Variants in PCDHGB1 observed in about 807,000 individuals in gnomAD.
PCDHGB1 encodes the protein protocadherin gamma-B1.
PCDHGB1 carries 34 observed loss-of-function variants against 56.6 expected under a neutral mutation model. The ratio of observed to expected loss-of-function variants is 0.60; its 90% CI spans 0.46 to 0.80. The LOEUF (loss-of-function observed/expected upper bound fraction) is 0.80. Among genes scored for constraint, PCDHGB1 ranks in the 30% least tolerant of loss-of-function variants. The probability of loss-of-function intolerance (pLI) is 0.00; values close to 1 mark genes in which losing one functional copy is unlikely to be tolerated. For missense variants in PCDHGB1, 1,278 were observed against 1,204.6 expected, an observed-to-expected ratio of 1.06 and a Z score of -0.90; for synonymous variants, 561 against 505.9, an observed-to-expected ratio of 1.11 and a Z score of -1.46.
chr5:141,366,824 C>A, intron 1 of PCDHGB1: 1 of 1,535,428 alleles, frequency 6.5e-7, no homozygotes, highest in Non-Finnish European at 8.8e-7. Context: ...CTGTCATATT[C>A]AGAATCAGCT....
chr5:141,383,860 G>C lies in PCDHGB1; in HGVS notation c.2409+31191G>C, dbSNP rs772168555. On this transcript the variant is annotated intron_variant, in intron 1 of 3. Coordinates refer to ENST00000523390, the MANE Select transcript of PCDHGB1 (RefSeq NM_018922.3). ...TGCCTTCTATGAAATGGAGGTTCAG[G>C]CTCAAGATGGTCCTGGTAGTCTGAC... 6 of 1,613,808 alleles carry C rather than the reference G, an allele frequency of 3.7e-6. No homozygotes were observed. The Admixed American group carries it at 8.3e-5, about 22-fold the overall frequency.
At chr5:141,497,201 G>A (rs1190666375) in intron 2 of PCDHGB1, among the ~76,000 whole-genome samples, 1 of 93,734 alleles carries the variant, frequency 1.1e-5, no homozygotes, top group African/African-American at 8.6e-5. Flanking sequence ...AGAACAATGT[G>A]AGTGTAATGG....
chr5:141,353,605 T>A (rs1428740410), intron 1 of PCDHGB1, among the ~76,000 whole-genome samples: 1 of 152,240 alleles, frequency 6.6e-6, no homozygotes, highest in East Asian at 1.9e-4. Flanking sequence ...TTCTTAACCA[T>A]TCCTAAATTA....
At chr5:141,498,980 GGAAGGAA>G in intron 2 of PCDHGB1, among the ~76,000 whole-genome samples, 1 of 44,970 alleles carries the variant, frequency 2.2e-5, no homozygotes, top group South Asian at 1.0e-3. Context: ...AGGGAAGGAA[GGAAGGAA>G]GGAAGGAAGG....
intron 1 of PCDHGB1, among the ~76,000 whole-genome samples, chr5:141,466,637 A>G (rs944728391): frequency 1.1e-4 from 16 of 152,234 alleles, no homozygotes; most frequent in Admixed American, 8.5e-4. Flanking sequence ...CATTGTCTCC[A>G]TAAACTTTTC....
intron 1 of PCDHGB1, chr5:141,398,946 C>A: frequency 6.2e-7 from 1 of 1,613,948 alleles, no homozygotes; most frequent in Non-Finnish European, 8.5e-7. Flanking sequence ...ACGAGGGCAT[C>A]AACTCAGAAA....
At chr5:141,393,319 G>A (rs2092728293) in intron 1 of PCDHGB1, 1 of 1,612,192 alleles carries the variant, frequency 6.2e-7, no homozygotes, top group Admixed American at 1.7e-5. Flanking sequence ...TCCCTCCAGA[G>A]CTACCAGCTC....
At chr5:141,409,538 A>G (rs772375542) in intron 1 of PCDHGB1, 5 of 1,613,844 alleles carry the variant, frequency 3.1e-6, no homozygotes, top group Non-Finnish European at 4.2e-6. Flanking sequence ...CGCTGACATC[A>G]ACGACAACGC....
At chr5:141,419,782 C>T (rs765128711) in intron 1 of PCDHGB1, 9 of 1,614,058 alleles carry the variant, frequency 5.6e-6, no homozygotes, top group Non-Finnish European at 7.6e-6. Flanking sequence ...TCCGCCAGCG[C>T]CTGCTAGTCG....
At chr5:141,388,062 G>A (rs1237358865) in intron 1 of PCDHGB1, 1 of 1,380,416 alleles carries the variant, frequency 7.2e-7, no homozygotes, top group African/African-American at 1.5e-5. Flanking sequence ...CAGCGTCCAG[G>A]AGTTACCGAC....
At position 141,491,303 on chromosome 5, in the gene PCDHGB1, C is replaced by T; in HGVS notation, c.2410-3504C>T. On this transcript the variant is annotated intron_variant, in intron 1 of 3. Coordinates refer to ENST00000523390, the MANE Select transcript of PCDHGB1 (RefSeq NM_018922.3). This position sits in a 1 kb window ranked among gnomAD's most constrained non-coding sequence, Gnocchi z 6.9. ...TTCCTCATACACCCTCCTGAGCGTT[C>T]AGACCTTACCCTTTACCTCATTGTG... 6.2e-7 allele frequency: 1 copy of T among 1,614,132 alleles called. No homozygotes were observed. The highest frequency in any genetic ancestry group is 8.5e-7 in the Non-Finnish European group (1 of 1,179,962).
intron 1 of PCDHGB1, chr5:141,383,348 T>C: frequency 6.2e-7 from 1 of 1,613,946 alleles, no homozygotes; most frequent in Admixed American, 1.7e-5. Context: ...GCTCCTGGGG[T>C]TCGGTTTCCG....
Position 141,415,740 on chromosome 5 carries a change from GTTTTTTTTTTTTTTTTTTT to G in PCDHGB1, c.2409+63085_2409+63103del, listed in dbSNP as rs57426385. ...TGAGTAGAATTTGATGTTTATTAAG[GTTTTTTTTTTTTTTTTTTT>G]TTTTTTTTTTTTTACTTTCTGGTAA... is the stretch of plus-strand genomic sequence containing the variant. On this transcript the variant is annotated intron_variant, in intron 1 of 3. Coordinates refer to ENST00000523390, the MANE Select transcript of PCDHGB1 (RefSeq NM_018922.3). The G allele has an allele frequency of 6.7e-5, 42 of 625,046 alleles. No individual in the cohort carries two copies. In the African/African-American group the frequency reaches 7.3e-4, roughly 11 times the overall value. 38.7% of individuals were successfully genotyped at this position (625,046 alleles called of 1,614,324 possible).
At position 141,433,030 on chromosome 5, in the gene PCDHGB1, T is replaced by C. The variant is rs116611363; in HGVS notation, c.2410-61777T>C. ...TCCTGCAGACCTATTCCCACGAGGTTTCCCTCACCACGGACTCGCGGAAGA... is the reference window on the plus strand; with the variant it reads ...TCCTGCAGACCTATTCCCACGAGGTCTCCCTCACCACGGACTCGCGGAAGA... On this transcript the variant is annotated intron_variant, in intron 1 of 3. Transcript: ENST00000523390. 10,352 of 1,614,096 alleles carry C rather than the reference T, an allele frequency of 6.4e-3. 43 individuals are homozygous for C. The highest frequency in any genetic ancestry group is 8.6e-3 in the Middle Eastern group (52 of 6,062).
intron 1 of PCDHGB1, among the ~76,000 whole-genome samples, chr5:141,407,534 A>G (rs72790039): frequency 0.022 from 3,304 of 149,594 alleles, 53 homozygotes; most frequent in South Asian, 0.039. Context: ...CTTATTGTGC[A>G]TTGGTAACAG....
At chr5:141,404,875 C>A in intron 1 of PCDHGB1, 1 of 1,613,904 alleles carries the variant, frequency 6.2e-7, no homozygotes, top group Non-Finnish European at 8.5e-7. Context: ...TCAAACAGAG[C>A]CTTGTGGTGG....
At chr5:141,370,735 TA>T (rs762297700) in intron 1 of PCDHGB1, 1 of 1,613,926 alleles carries the variant, frequency 6.2e-7, no homozygotes, top group Non-Finnish European at 8.5e-7. Context: ...GAAAAGCCTT[TA>T]AACTTTTTTC....
chr5:141,445,545 A>G (rs1422837499), intron 1 of PCDHGB1, among the ~76,000 whole-genome samples: 2 of 152,256 alleles, frequency 1.3e-5, no homozygotes, highest in Non-Finnish European at 2.9e-5. Context: ...AAGGAGAAAT[A>G]CAAAAGCACT....
chr5:141,365,693 G>A, intron 1 of PCDHGB1: 1 of 1,613,364 alleles, frequency 6.2e-7, no homozygotes, highest in South Asian at 1.1e-5. Flanking sequence ...TTTCCCTCAA[G>A]CCTCCTACTC....
Sources: gnomAD v4.1 joint callset for allele counts (sites outside exome capture counted in the v4.1 genomes callset) on GRCh38, gnomAD v4.1.1 for gene constraint, Gnocchi (gnomAD v3.1) non-coding constraint, MANE v1.5 for transcripts, NCBI Gene and HGNC (gene_info 2026-07-23, HGNC 2026-07-21) for gene names.